The following NCALD variants were observed in gnomAD, a reference collection of about 807,000 sequenced individuals.
NCALD encodes the protein neurocalcin delta.
In NCALD, 10 loss-of-function variants were observed where a neutral mutation model predicts 18.6. The ratio of observed to expected loss-of-function variants is 0.54; its 90% confidence interval spans 0.33 to 0.91. The LOEUF is 0.91. NCALD is among the 40% of genes least tolerant of loss of function. NCALD has a pLI of 0.03. For synonymous variants in NCALD, 88 were observed against 87.4 expected (o/e 1.01, Z -0.04); for missense variants, 184 against 247.6 (o/e 0.74, Z 1.72).
intron 2 of NCALD, among the ~76,000 whole-genome samples, chr8:101,985,589 T>C (rs1820778546): frequency 6.6e-6 from 1 of 152,154 alleles, no homozygotes; most frequent in East Asian, 1.9e-4. Context: ...AGAAAAGCAG[T>C]TGTGGTCTTT....
chr8:102,000,491 C>A (rs1821413036), intron 2 of NCALD, among the ~76,000 whole-genome samples: 1 of 152,228 alleles, frequency 6.6e-6, no homozygotes, highest in Non-Finnish European at 1.5e-5. Context: ...GAAACCTCTG[C>A]AGACTTAAAT....
chr8:101,908,649 T>C (rs112042077), intron 3 of NCALD, among the ~76,000 whole-genome samples: 162 of 152,296 alleles, frequency 1.1e-3, no homozygotes, highest in African/African-American at 3.8e-3. Flanking sequence ...TATTAAGCAC[T>C]GAGCATGTAC....
At chr8:101,709,189 TG>T (rs1317488838) in intron 2 of NCALD, among the ~76,000 whole-genome samples, 1 of 152,224 alleles carries the variant, frequency 6.6e-6, no homozygotes, top group African/African-American at 2.4e-5. Flanking sequence ...CTGGTTACTT[TG>T]GGTACGCCCT....
In NCALD at chr8:102,061,730, C is replaced by G. The variant is rs1310013738; in HGVS notation, c.-209-41441G>C. Among the ~76,000 whole-genome samples the G allele has an allele frequency of 2.6e-5, 4 of 152,184 alleles. No homozygotes were observed. In the East Asian group the frequency reaches 7.7e-4, roughly 29 times the overall value. On this transcript the variant is annotated intron_variant, in intron 1 of 6. Transcript: ENST00000311028. ...CCCTTCCCAGGACTGTGTTTTCATTCCAGCCCAGCCGCCACAGACCTCCAT... is the reference window on the plus strand; with the variant it reads ...CCCTTCCCAGGACTGTGTTTTCATTGCAGCCCAGCCGCCACAGACCTCCAT...
chr8:101,731,354 G>A (rs1028913871), intron 1 of NCALD, among the ~76,000 whole-genome samples: 1 of 152,116 alleles, frequency 6.6e-6, no homozygotes, highest in Non-Finnish European at 1.5e-5. Context: ...ATTTATATTG[G>A]CAAGAACTTA....
intron 2 of NCALD, among the ~76,000 whole-genome samples, chr8:101,938,457 AGCTCTT>A (rs1701836577): frequency 1.3e-5 from 2 of 152,196 alleles, no homozygotes; most frequent in Admixed American, 6.5e-5. Context: ...TCAGAGCCAG[AGCTCTT>A]AACAATTATG....
chr8:102,010,003 G>A (rs559517630), intron 2 of NCALD, among the ~76,000 whole-genome samples: 3 of 152,324 alleles, frequency 2.0e-5, no homozygotes, highest in Non-Finnish European at 4.4e-5. Context: ...ATGAATAGAA[G>A]ACACTATATC....
chr8:101,737,408 C>T (rs1253118177), intron 1 of NCALD, among the ~76,000 whole-genome samples: 1 of 152,202 alleles, frequency 6.6e-6, no homozygotes, highest in Admixed American at 6.5e-5. Flanking sequence ...CTCTTTAAGG[C>T]TCCCCACCTG....
chr8:101,696,479 T>C (rs923530140), intron 2 of NCALD, among the ~76,000 whole-genome samples: 1 of 152,066 alleles, frequency 6.6e-6, no homozygotes, highest in African/African-American at 2.4e-5. Context: ...AGGGCTTAAA[T>C]AAATCAGGGG....
chr8:101,918,397 AG>A (rs1386885034), intron 2 of NCALD, among the ~76,000 whole-genome samples: 2 of 152,138 alleles, frequency 1.3e-5, no homozygotes, highest in African/African-American at 2.4e-5. Context: ...AAAAACTAAA[AG>A]CCTTACCCTT....
intron 2 of NCALD, among the ~76,000 whole-genome samples, chr8:101,974,422 T>C (rs1691745692): frequency 6.6e-6 from 1 of 152,106 alleles, no homozygotes; most frequent in Non-Finnish European, 1.5e-5. Flanking sequence ...CCCTTCTATG[T>C]GGAAATTCTG....
At chr8:101,837,877 A>G (rs968598892) in intron 4 of NCALD, among the ~76,000 whole-genome samples, 2 of 152,194 alleles carry the variant, frequency 1.3e-5, no homozygotes, top group African/African-American at 4.8e-5. Context: ...GGCTGGTGAA[A>G]GTCTCAACAT....
chr8:101,942,048 G>A (rs1818978191), intron 2 of NCALD, among the ~76,000 whole-genome samples: 1 of 152,126 alleles, frequency 6.6e-6, no homozygotes. Context: ...AACCTACTTT[G>A]AAACCAAGCA....
intron 1 of NCALD, among the ~76,000 whole-genome samples, chr8:102,061,076 C>T (rs1823834250): frequency 6.6e-6 from 1 of 152,178 alleles, no homozygotes; most frequent in South Asian, 2.1e-4. Context: ...CCTTTCTCCC[C>T]TCCCTAAAAG....
chr8:101,695,015 T>C (rs1044077774), intron 2 of NCALD, among the ~76,000 whole-genome samples: 2 of 152,170 alleles, frequency 1.3e-5, no homozygotes, highest in Admixed American at 6.5e-5. Flanking sequence ...TTCGTAACTC[T>C]TGACATAGTC....
chr8:101,805,652 CA>C (rs1813072984), intron 4 of NCALD, among the ~76,000 whole-genome samples: 1 of 152,104 alleles, frequency 6.6e-6, no homozygotes, highest in South Asian at 2.1e-4. Flanking sequence ...AGCTCTCCCC[CA>C]AAGGAGCTGA....
intron 2 of NCALD, chr8:101,986,373 G>A (rs189330306): frequency 6.6e-6 from 1 of 152,340 alleles, no homozygotes. Flanking sequence ...ATGGTACTAT[G>A]GCTTCGCCTT....
chr8:101,852,339 C>A (rs1330459634), intron 4 of NCALD, among the ~76,000 whole-genome samples: 1 of 152,170 alleles, frequency 6.6e-6, no homozygotes. Context: ...GAACTTCTGG[C>A]CTCTGTGAAG....
chr8:101,783,879 C>T (rs1812115390), intron 1 of NCALD, among the ~76,000 whole-genome samples: 1 of 152,090 alleles, frequency 6.6e-6, no homozygotes, highest in Non-Finnish European at 1.5e-5. Context: ...ATATTTTCCT[C>T]CAGAAATTAG....
Sources: gnomAD v4.1 joint callset for allele counts (sites outside exome capture counted in the v4.1 genomes callset) on GRCh38, gnomAD v4.1.1 for gene constraint, MANE v1.5 for transcripts, NCBI Gene and HGNC (gene_info 2026-07-23, HGNC 2026-07-21) for gene names.